HSD17B12: variants seen among roughly 807,000 people sequenced by gnomAD.
HSD17B12 encodes the protein very-long-chain 3-oxoacyl-CoA reductase.
A neutral mutation model predicts 39.3 loss-of-function variants in HSD17B12; 32 were observed. The observed-to-expected ratio is 0.81, with a 90% CI of 0.61 to 1.09. HSD17B12 has a LOEUF of 1.09. Ranked by LOEUF, HSD17B12 falls within the 50% of genes least tolerant of loss-of-function variation. The pLI is 0.00. For synonymous variants in HSD17B12, 150 were observed against 146.7 expected, an observed-to-expected ratio of 1.02 and a Z score of -0.16; for missense variants, 342 against 382.9, an observed-to-expected ratio of 0.89 and a Z score of 0.89.
the HSD17B12 span, among the ~76,000 whole-genome samples, chr11:43,651,691 G>A: frequency 6.6e-6 from 1 of 152,132 alleles, no homozygotes; most frequent in Non-Finnish European, 1.5e-5. Flanking sequence ...AGTGATTCCT[G>A]TGCTTCGGCC....
At chr11:43,619,861 G>A in the HSD17B12 span, among the ~76,000 whole-genome samples, 1 of 152,192 alleles carries the variant, frequency 6.6e-6, no homozygotes, top group Non-Finnish European at 1.5e-5. Context: ...CATCTTTGTA[G>A]AATATTTTTT....
intron 4 of HSD17B12, among the ~76,000 whole-genome samples, chr11:43,802,754 A>C (rs763141987): frequency 6.6e-6 from 1 of 152,232 alleles, no homozygotes; most frequent in African/African-American, 2.4e-5. Context: ...TATAATGTGT[A>C]TAGGACAGCC....
chr11:43,763,160 C>G (rs1031756637), intron 3 of HSD17B12, among the ~76,000 whole-genome samples: 3 of 152,002 alleles, frequency 2.0e-5, no homozygotes, highest in African/African-American at 7.3e-5. Flanking sequence ...TCATCTGAGG[C>G]CCAAATTTGT....
chr11:43,601,280 A>G, the HSD17B12 span, among the ~76,000 whole-genome samples: 1 of 151,658 alleles, frequency 6.6e-6, no homozygotes, highest in Non-Finnish European at 1.5e-5. Flanking sequence ...TGAATATTTT[A>G]TAGGGTGGTT....
chr11:43,572,735 C>T, the HSD17B12 span, among the ~76,000 whole-genome samples: 1 of 152,130 alleles, frequency 6.6e-6, no homozygotes, highest in African/African-American at 2.4e-5. Flanking sequence ...GTAAAAGTGT[C>T]CGGCACAGTG....
the HSD17B12 span, among the ~76,000 whole-genome samples, chr11:43,663,808 A>G: frequency 6.7e-6 from 1 of 150,098 alleles, no homozygotes; most frequent in Non-Finnish European, 1.5e-5. Context: ...TTAAGATTCA[A>G]CCCCTCTAGT....
chr11:43,557,879 G>C, the HSD17B12 span, among the ~76,000 whole-genome samples: 1 of 152,136 alleles, frequency 6.6e-6, no homozygotes, highest in Admixed American at 6.5e-5. Flanking sequence ...GGGGGAGCCT[G>C]AGGTGGAGAA....
At chr11:43,637,982 G>A in the HSD17B12 span, among the ~76,000 whole-genome samples, 1 of 152,130 alleles carries the variant, frequency 6.6e-6, no homozygotes, top group Non-Finnish European at 1.5e-5. Context: ...GTCAAGGGTA[G>A]ATCTGCCTCT....
chr11:43,663,999 G>A, the HSD17B12 span, among the ~76,000 whole-genome samples: 2 of 151,834 alleles, frequency 1.3e-5, no homozygotes, highest in Admixed American at 6.6e-5. Context: ...ACAGGCATGC[G>A]CCACCATGCC....
chr11:43,812,903 G>A lies in HSD17B12; in HGVS notation c.392-2534G>A, dbSNP rs187176015. 4.6e-5 allele frequency among the ~76,000 whole-genome samples: 7 copies of A among 152,202 alleles called. No individual in the cohort carries two copies. The East Asian group carries it at 5.8e-4, about 13-fold the overall frequency. On this transcript the variant is annotated intron_variant, in intron 4 of 10. Coordinates refer to ENST00000278353, the MANE Select transcript of HSD17B12 (RefSeq NM_016142.3). ...GTCACCCATGCTGGAGTGCAGTGGC[G>A]TGATCTCGGCTCACTGCAACCTTCG...
At chr11:43,732,404 T>C (rs1435193280) in intron 1 of HSD17B12, among the ~76,000 whole-genome samples, 1 of 152,164 alleles carries the variant, frequency 6.6e-6, no homozygotes, top group African/African-American at 2.4e-5. Flanking sequence ...TGCTGGTTAG[T>C]TGTTTTGTTG....
intron 6 of HSD17B12, among the ~76,000 whole-genome samples, chr11:43,827,505 T>C (rs1951256124): frequency 6.6e-6 from 1 of 152,240 alleles, no homozygotes; most frequent in African/African-American, 2.4e-5. Context: ...AAAAGTTTTA[T>C]TCATATTAGG....
intron 1 of HSD17B12, among the ~76,000 whole-genome samples, chr11:43,695,439 G>A (rs1331267015): frequency 2.6e-5 from 4 of 152,224 alleles, no homozygotes; most frequent in East Asian, 1.9e-4. Flanking sequence ...TTAGCTGGGC[G>A]TGGTGGTGCA....
In HSD17B12 at chr11:43,712,351, A is replaced by G. The variant is rs189791396; in HGVS notation, c.160+31364A>G. 8.9e-3 allele frequency among the ~76,000 whole-genome samples: 1,347 copies of G among 152,038 alleles called. 20 individuals carry two copies. Among genetic ancestry groups the G allele is most frequent in the African/African-American group, 0.03 (1,258 of 41,468 alleles). ...CTGAGGCAGGAGAATTGCTTGAACC[A>G]GGGAGGCGGAGGTTGTAGTGAGCTG... is the stretch of plus-strand genomic sequence containing the variant. On this transcript the variant is annotated intron_variant, in intron 1 of 10. Coordinates refer to ENST00000278353, the MANE Select transcript of HSD17B12 (RefSeq NM_016142.3).
At chr11:43,834,817 G>C (rs1325581539) in intron 7 of HSD17B12, among the ~76,000 whole-genome samples, 1 of 152,130 alleles carries the variant, frequency 6.6e-6, no homozygotes, top group Non-Finnish European at 1.5e-5. Flanking sequence ...GGGAGGACTA[G>C]TAATTAAAGA....
chr11:43,646,153 C>T, the HSD17B12 span: 1 of 152,110 alleles, frequency 6.6e-6, no homozygotes, highest in Admixed American at 6.5e-5. Context: ...GACTGCATCT[C>T]AAAAAATATA....
At chr11:43,669,248 C>G in the HSD17B12 span, among the ~76,000 whole-genome samples, 1 of 152,098 alleles carries the variant, frequency 6.6e-6, no homozygotes, top group Non-Finnish European at 1.5e-5. Context: ...CGTCTGTAAT[C>G]CCAGAATTTT....
At chr11:43,810,042 A>G (rs2135067531) in intron 4 of HSD17B12, among the ~76,000 whole-genome samples, 1 of 152,260 alleles carries the variant, frequency 6.6e-6, no homozygotes, top group Non-Finnish European at 1.5e-5. Context: ...TTAATTTCCT[A>G]TATCTCTGAT....
rs1951305547 is a variant in HSD17B12, at chr11:43,831,098, A to G, written c.536+88A>G. 8.0e-7 allele frequency: 1 copy of G among 1,248,132 alleles called. No individual in the cohort carries two copies. Among genetic ancestry groups the G allele is most frequent in the Non-Finnish European group, 1.1e-6 (1 of 874,952 alleles). 77.3% of individuals were successfully genotyped at this position (1,248,132 alleles called of 1,614,324 possible). A position where few individuals can be genotyped will look rare whatever the true frequency, so the allele number is the denominator to read the frequency against. On this transcript the variant is annotated intron_variant, in intron 7 of 10. Coordinates refer to ENST00000278353, the MANE Select transcript of HSD17B12 (RefSeq NM_016142.3). This position sits in a 1 kb window ranked among gnomAD's most constrained non-coding sequence, Gnocchi z 4.1. ...ATCCTTGCTTTGAAAAAATCACTGAAGTGACTAATGAACCAAGCCTCCATG... is the reference window on the plus strand; with the variant it reads ...ATCCTTGCTTTGAAAAAATCACTGAGGTGACTAATGAACCAAGCCTCCATG...
Sources: gnomAD v4.1 joint callset for allele counts (sites outside exome capture counted in the v4.1 genomes callset) on GRCh38, gnomAD v4.1.1 for gene constraint, Gnocchi (gnomAD v3.1) non-coding constraint, MANE v1.5 for transcripts, NCBI Gene and HGNC (gene_info 2026-07-23, HGNC 2026-07-21) for gene names.